VWF: variants seen among roughly 807,000 people sequenced by gnomAD.
VWF encodes von Willebrand factor, also known as Factor VIII related antigen.
A neutral mutation model predicts 308.6 loss-of-function variants in VWF; 176 were observed. The ratio of observed to expected loss-of-function variants is 0.57; its 90% CI spans 0.50 to 0.65. The LOEUF is 0.65. VWF is among the 30% of genes least tolerant of loss of function. VWF has a pLI of 0.00. For missense variants in VWF, 3,146 were observed against 3,648.2 expected (o/e 0.86, Z 3.55); for synonymous variants, 1,385 against 1,443.4 (o/e 0.96, Z 0.92).
intron 16 of VWF, among the ~76,000 whole-genome samples, chr12:6,048,120 T>C (rs1288666110): frequency 6.6e-6 from 1 of 152,246 alleles, no homozygotes. Flanking sequence ...GTCATACTCA[T>C]TGCTTTAATT....
rs1305891470 is a variant in VWF at position 6,020,156 on chromosome 12, C to T, written c.3675-413G>A. On this transcript the variant is annotated intron_variant, in intron 27 of 51. Transcript: ENST00000261405. This position sits in a 1 kb window ranked among gnomAD's most constrained non-coding sequence, Gnocchi z 4.3. Reference sequence around the variant, plus strand: ...AGAACAAATGTTACTAAAATGTAGACGCTAACCTGTGTTTGTACATGTTCT... The same window carrying T: ...AGAACAAATGTTACTAAAATGTAGATGCTAACCTGTGTTTGTACATGTTCT... Among the ~76,000 whole-genome samples the T allele has an allele frequency of 1.3e-5, 2 of 152,316 alleles. No homozygotes were observed. Among genetic ancestry groups the T allele is most frequent in the Admixed American group, 6.5e-5 (1 of 15,304 alleles).
intron 23 of VWF, 65 bp downstream of exon 23, chr12:6,025,841 G>A (rs1228715567): frequency 6.2e-7 from 1 of 1,612,124 alleles, no homozygotes. Context: ...CCATGACAAT[G>A]GGGACAGAGG....
intron 6 of VWF, 170 bp downstream of exon 6, chr12:6,095,290 A>C: frequency 9.7e-7 from 1 of 1,035,762 alleles, no homozygotes; most frequent in Non-Finnish European, 1.5e-6. Context: ...TTAGAGCTTC[A>C]GGCTCGAGAT....
chr12:6,086,041 C>T (rs1257571668), intron 6 of VWF, among the ~76,000 whole-genome samples: 2 of 152,158 alleles, frequency 1.3e-5, no homozygotes, highest in Non-Finnish European at 2.9e-5. Flanking sequence ...GGCTCCCTGC[C>T]CTTCTCCCAT....
intron 3 of VWF, among the ~76,000 whole-genome samples, chr12:6,118,967 T>C (rs1945400662): frequency 6.6e-6 from 1 of 152,196 alleles, no homozygotes; most frequent in Non-Finnish European, 1.5e-5. Flanking sequence ...CTTTCTTATT[T>C]GTCATGCCCT....
chr12:6,065,827 G>A (rs1194648907), intron 10 of VWF, among the ~76,000 whole-genome samples: 1 of 152,226 alleles, frequency 6.6e-6, no homozygotes, highest in Non-Finnish European at 1.5e-5. Context: ...GGAGGGTGAG[G>A]CAGGACAGTC....
intron 3 of VWF, among the ~76,000 whole-genome samples, chr12:6,118,345 C>T (rs2136531988): frequency 6.8e-6 from 1 of 147,240 alleles, no homozygotes; most frequent in Admixed American, 6.8e-5. Flanking sequence ...CCGGGCACTG[C>T]AGTGTCTCCA....
intron 15 of VWF, among the ~76,000 whole-genome samples, chr12:6,055,759 T>TACACACACACAC (rs775653228): frequency 0.045 from 2,948 of 66,104 alleles, 63 homozygotes; most frequent in Admixed American, 0.05. Flanking sequence ...TATATATATG[T>TACACACACACAC]ATACACACAC....
chr12:6,079,133 G>C (rs967517331), intron 6 of VWF, among the ~76,000 whole-genome samples: 3 of 152,204 alleles, frequency 2.0e-5, no homozygotes, highest in Admixed American at 1.3e-4. Context: ...GGCTTGGCCT[G>C]AACTTGGTCC....
At chr12:5,955,533 C>T (rs1195811444) in intron 47 of VWF, among the ~76,000 whole-genome samples, 4 of 152,184 alleles carry the variant, frequency 2.6e-5, no homozygotes, top group Admixed American at 2.6e-4. Flanking sequence ...CATGTCCCTA[C>T]AAAGGACAAG....
intron 6 of VWF, among the ~76,000 whole-genome samples, chr12:6,081,519 T>C (rs956841207): frequency 6.6e-6 from 1 of 152,162 alleles, no homozygotes; most frequent in Non-Finnish European, 1.5e-5. Context: ...TTTGTATTTT[T>C]AGTACAGACG....
chr12:6,037,707 C>T (rs530439129), intron 18 of VWF, among the ~76,000 whole-genome samples: 6 of 152,148 alleles, frequency 3.9e-5, no homozygotes, highest in Non-Finnish European at 8.8e-5. Flanking sequence ...GACTGTGGCA[C>T]CTTGGCTCCA....
intron 5 of VWF, among the ~76,000 whole-genome samples, chr12:6,108,873 C>T (rs891597112): frequency 1.0e-4 from 15 of 150,282 alleles, no homozygotes; most frequent in Non-Finnish European, 1.2e-4. Context: ...CCCAGCTACT[C>T]GGAAGGCTGA....
chr12:5,991,752 G>A (rs1943746107), intron 38 of VWF, 67 bp downstream of exon 38: 1 of 1,558,410 alleles, frequency 6.4e-7, no homozygotes, highest in Non-Finnish European at 8.8e-7. Flanking sequence ...AATCACTGGT[G>A]AACATATCTC....
intron 13 of VWF, among the ~76,000 whole-genome samples, chr12:6,062,689 C>T (rs556161358): frequency 1.3e-5 from 2 of 152,256 alleles, no homozygotes; most frequent in East Asian, 3.9e-4. Context: ...CCTGCTCCTT[C>T]CCCAGCCCCA....
chr12:6,012,292 G>A (rs761594746), intron 32 of VWF, among the ~76,000 whole-genome samples, 162 bp from the exon 33 acceptor site: 4 of 152,364 alleles, frequency 2.6e-5, no homozygotes, highest in Middle Eastern at 3.4e-3. Flanking sequence ...ACATGAGGCT[G>A]AGGTGGTCAT....
intron 3 of VWF, among the ~76,000 whole-genome samples, chr12:6,116,926 A>C (rs1393964817): frequency 6.6e-6 from 1 of 152,222 alleles, no homozygotes; most frequent in Non-Finnish European, 1.5e-5. Flanking sequence ...ATGTGCACGG[A>C]AACTGAAACT....
intron 5 of VWF, among the ~76,000 whole-genome samples, chr12:6,096,318 C>A (rs571003949): frequency 3.9e-5 from 6 of 152,308 alleles, no homozygotes; most frequent in African/African-American, 1.4e-4. Flanking sequence ...AGATGCAGCT[C>A]AAGAACCACT....
Position 6,026,203 on chromosome 12 carries a change from C to G in VWF, c.2968-157G>C, listed in dbSNP as rs1642671755. On this transcript the variant is annotated intron_variant, in intron 22 of 51. Coordinates refer to ENST00000261405, the MANE Select transcript of VWF (RefSeq NM_000552.5). ...AGACTCAGAGGAGGCCCGAGGTGAG[C>G]AGCAAAGCCTTGCCATTGCCAAGAC... 7.2e-5 allele frequency among the ~76,000 whole-genome samples: 11 copies of G among 152,274 alleles called. No individual in the cohort carries two copies. The South Asian group carries it at 2.3e-3, about 32-fold the overall frequency.
Sources: gnomAD v4.1 joint callset for allele counts (sites outside exome capture counted in the v4.1 genomes callset) on GRCh38, gnomAD v4.1.1 for gene constraint, Gnocchi (gnomAD v3.1) non-coding constraint, MANE v1.5 for transcripts, NCBI Gene and HGNC (gene_info 2026-07-23, HGNC 2026-07-21) for gene names.